URI1: variants seen among roughly 807,000 people sequenced by gnomAD.
URI1 encodes the protein unconventional prefoldin RPB5 interactor 1.
Under a neutral mutation model 60.2 loss-of-function variants are expected in URI1, and 39 were observed. That is an observed-to-expected ratio of 0.65 (90% CI 0.50 to 0.85). The LOEUF (loss-of-function observed/expected upper bound fraction) is 0.85, where lower values mean the gene tolerates loss of function less well. Ranked by LOEUF, URI1 falls within the 40% of genes least tolerant of loss-of-function variation. The probability of loss-of-function intolerance (pLI) is 0.00; values close to 1 mark genes in which losing one functional copy is unlikely to be tolerated. For synonymous variants in URI1, 251 were observed against 236.8 expected (o/e 1.06, Z -0.55); for missense variants, 691 against 665.9 (o/e 1.04, Z -0.42).
intron 2 of URI1, among the ~76,000 whole-genome samples, chr19:29,971,890 G>A (rs1264730368): frequency 2.0e-5 from 3 of 152,026 alleles, no homozygotes; most frequent in Admixed American, 6.6e-5. Flanking sequence ...TATCCATGCT[G>A]TGCTTACGAA....
chr19:29,981,290 A>C (rs920547948), intron 2 of URI1, among the ~76,000 whole-genome samples: 2 of 152,138 alleles, frequency 1.3e-5, no homozygotes, highest in Admixed American at 1.3e-4. Context: ...ATGAATTTCA[A>C]ATTAAGTTGT....
intron 1 of URI1, among the ~76,000 whole-genome samples, chr19:29,943,068 C>T (rs75196945): frequency 0.013 from 1,924 of 152,232 alleles, 55 homozygotes; most frequent in African/African-American, 0.045. Context: ...ATAATGCTTC[C>T]TGTGCAATAT....
chr19:29,951,310 A>G (rs932707129), intron 1 of URI1, among the ~76,000 whole-genome samples: 1 of 152,186 alleles, frequency 6.6e-6, no homozygotes, highest in Non-Finnish European at 1.5e-5. Flanking sequence ...TTTGCCATGG[A>G]TGATCCTTGC....
intron 7 of URI1, 42 bp downstream of exon 7, chr19:30,007,680 A>G (rs2055962591): frequency 2.0e-6 from 3 of 1,504,374 alleles, no homozygotes; most frequent in Non-Finnish European, 1.8e-6. Context: ...ATTTGTTTCT[A>G]TACACATTTC....
At chr19:29,993,254 A>G (rs1325050145) in intron 4 of URI1, among the ~76,000 whole-genome samples, 4 of 152,192 alleles carry the variant, frequency 2.6e-5, no homozygotes, top group Non-Finnish European at 4.4e-5. Context: ...GGACTTGGCA[A>G]CTGATTGAAT....
intron 10 of URI1, 95 bp from the exon 11 acceptor site, chr19:30,014,792 C>T: frequency 7.8e-7 from 1 of 1,281,494 alleles, no homozygotes; most frequent in Non-Finnish European, 1.1e-6. Flanking sequence ...CGTGAATTTA[C>T]TTTTAATGAA....
chr19:29,957,875 A>G (rs188452857), intron 1 of URI1: 7 of 150,950 alleles, frequency 4.6e-5, no homozygotes, highest in Admixed American at 4.0e-4. Flanking sequence ...TGCCTTTTGT[A>G]ATTTACTTGC....
chr19:29,969,677 G>A (rs1225485191), intron 1 of URI1, among the ~76,000 whole-genome samples: 1 of 152,140 alleles, frequency 6.6e-6, no homozygotes, highest in Admixed American at 6.5e-5. Flanking sequence ...ATTGGGATTG[G>A]AAAACATCCT....
At chr19:29,968,092 C>T (rs944552096) in intron 1 of URI1, among the ~76,000 whole-genome samples, 2 of 152,158 alleles carry the variant, frequency 1.3e-5, no homozygotes, top group Non-Finnish European at 2.9e-5. Context: ...GGACTTACTG[C>T]TGTACTTCTA....
chr19:30,008,709 T>C (rs1336583123), intron 7 of URI1, among the ~76,000 whole-genome samples: 1 of 152,102 alleles, frequency 6.6e-6, no homozygotes, highest in Admixed American at 6.6e-5. Flanking sequence ...CTTACAACTT[T>C]ATTATTATTG....
upstream of URI1, among the ~76,000 whole-genome samples, chr19:29,942,051 A>G (rs1343584684): frequency 4.0e-5 from 6 of 150,604 alleles, no homozygotes; most frequent in Admixed American, 6.6e-5. Flanking sequence ...AAAAAAAAAA[A>G]AGAAAGAAAT....
intron 4 of URI1, among the ~76,000 whole-genome samples, chr19:29,997,441 T>G (rs116964072): frequency 0.012 from 1,855 of 152,296 alleles, 20 homozygotes; most frequent in Non-Finnish European, 0.018. Context: ...CTTTTTTTCT[T>G]AGACAGTCTA....
At chr19:29,924,155 T>C (rs1283222899) in intron 1 of URI1, among the ~76,000 whole-genome samples, 3 of 152,170 alleles carry the variant, frequency 2.0e-5, no homozygotes, top group Non-Finnish European at 4.4e-5. Context: ...CCTACATTGG[T>C]GAGGGCAGAT....
Position 30,015,323 on chromosome 19 carries a change from G to A in URI1, c.*254G>A. On this transcript the variant is annotated 3_prime_UTR_variant, in exon 11 of 11. Coordinates refer to ENST00000392271, the MANE Select transcript of URI1 (RefSeq NM_003796.3). Reference sequence around the variant, plus strand: ...TCTAAGTTTGCCTTTATGATGCAGTGGCAGCATTTTGAATTACTTTTCAAA... The same window carrying A: ...TCTAAGTTTGCCTTTATGATGCAGTAGCAGCATTTTGAATTACTTTTCAAA... The A allele has an allele frequency of 1.4e-6, 2 of 1,413,458 alleles. No homozygotes were observed. Among genetic ancestry groups the A allele is most frequent in the Non-Finnish European group, 9.2e-7 (1 of 1,090,318 alleles). 87.6% of individuals were successfully genotyped at this position (1,413,458 alleles called of 1,614,324 possible).
At chr19:29,999,225 T>G (rs904193776) in intron 4 of URI1, among the ~76,000 whole-genome samples, 1 of 152,110 alleles carries the variant, frequency 6.6e-6, no homozygotes, top group Non-Finnish European at 1.5e-5. Context: ...CAAACCAAAA[T>G]GACAGTAATA....
intron 1 of URI1, among the ~76,000 whole-genome samples, chr19:29,933,842 T>G (rs1214577948): frequency 6.6e-6 from 1 of 151,868 alleles, no homozygotes; most frequent in Admixed American, 6.6e-5. Context: ...AAAAATCAAC[T>G]TTTATTTTCA....
At chr19:29,981,902 A>G (rs957788673) in intron 2 of URI1, among the ~76,000 whole-genome samples, 1 of 152,216 alleles carries the variant, frequency 6.6e-6, no homozygotes, top group Non-Finnish European at 1.5e-5. Context: ...AAATTTTGTT[A>G]TAAATAAAGA....
At position 29,942,649 on chromosome 19, in the gene URI1, C is replaced by A; in HGVS notation, c.102C>A (p.Arg34=). The A allele has an allele frequency of 6.9e-7, 1 of 1,448,560 alleles. No homozygotes were observed. Among genetic ancestry groups the A allele is most frequent in the South Asian group, 1.4e-5 (1 of 70,800 alleles). 89.7% of individuals were successfully genotyped at this position (1,448,560 alleles called of 1,614,324 possible). The part of the protein sequence containing the change: ...PLRAPDVARL[R]EEQEKVVTNC... The stretch of plus-strand genomic sequence containing the variant: ...GCGCCCCGGATGTGGCGCGGCTGCG[C>A]GAGGAGCAGGAAAAGGTAACTAGCA... Residue 34 remains arginine, a synonymous_variant, in exon 1 of 11, where the codon CGC becomes CGA. Coordinates refer to ENST00000392271, the MANE Select transcript of URI1 (RefSeq NM_003796.3).
At chr19:29,989,173 C>T (rs925199034) in intron 4 of URI1, among the ~76,000 whole-genome samples, 2 of 150,980 alleles carry the variant, frequency 1.3e-5, no homozygotes, top group African/African-American at 4.9e-5. Flanking sequence ...TGCAGTGGGG[C>T]GATCTTGGCT....
Sources: gnomAD v4.1 joint callset for allele counts (sites outside exome capture counted in the v4.1 genomes callset) on GRCh38, gnomAD v4.1.1 for gene constraint, MANE v1.5 for transcripts, NCBI Gene and HGNC (gene_info 2026-07-23, HGNC 2026-07-21) for gene names.